The following TRAPPC9 variants were observed in gnomAD, a reference collection of about 807,000 sequenced individuals.
The protein encoded by TRAPPC9 is trafficking protein particle complex subunit 9.
Under a neutral mutation model 124.0 loss-of-function variants are expected in TRAPPC9, and 83 were observed. That is an observed-to-expected ratio of 0.67 (90% CI 0.56 to 0.80). The LOEUF (loss-of-function observed/expected upper bound fraction) is 0.80. Ranked by LOEUF, TRAPPC9 falls within the 30% of genes least tolerant of loss-of-function variation. The probability of loss-of-function intolerance (pLI) is 0.00; values close to 1 mark genes in which losing one functional copy is unlikely to be tolerated. For missense variants in TRAPPC9, 1,302 were observed against 1,508.3 expected, an observed-to-expected ratio of 0.86 and a Z score of 2.27; for synonymous variants, 638 against 617.5, an observed-to-expected ratio of 1.03 and a Z score of -0.49.
At chr8:139,793,554 G>A (rs1822848174) in intron 21 of TRAPPC9, among the ~76,000 whole-genome samples, 1 of 152,200 alleles carries the variant, frequency 6.6e-6, no homozygotes, top group Non-Finnish European at 1.5e-5. Flanking sequence ...TCACCTGTTT[G>A]TGCCACCATG....
intron 7 of TRAPPC9, 92 bp from the exon 8 acceptor site, chr8:140,371,272 G>A: frequency 1.6e-6 from 2 of 1,251,306 alleles, no homozygotes; most frequent in Non-Finnish European, 2.3e-6. Flanking sequence ...ATAAAACAAA[G>A]ACCTGAGGAG....
intron 17 of TRAPPC9, among the ~76,000 whole-genome samples, chr8:140,059,404 A>C (rs1842463264): frequency 6.6e-6 from 1 of 152,242 alleles, no homozygotes; most frequent in Admixed American, 6.5e-5. Context: ...ATAACGTTGC[A>C]ATGAACATCA....
At chr8:140,437,667 C>T (rs941407844) in intron 3 of TRAPPC9, among the ~76,000 whole-genome samples, 8 of 152,168 alleles carry the variant, frequency 5.3e-5, no homozygotes, top group African/African-American at 1.9e-4. Context: ...TCTACGGCAC[C>T]TCGTTAAACT....
At chr8:140,411,561 T>C (rs910739918) in intron 5 of TRAPPC9, among the ~76,000 whole-genome samples, 1 of 152,170 alleles carries the variant, frequency 6.6e-6, no homozygotes, top group Non-Finnish European at 1.5e-5. Context: ...AGGCTGGTCT[T>C]GAACTCCTGA....
intron 18 of TRAPPC9, among the ~76,000 whole-genome samples, chr8:140,003,690 A>G (rs557177581): frequency 6.6e-6 from 1 of 152,260 alleles, no homozygotes; most frequent in African/African-American, 2.4e-5. Context: ...TCTTTTGAAA[A>G]CTGACAATAC....
At chr8:139,758,033 C>T (rs1252487380) in intron 21 of TRAPPC9, among the ~76,000 whole-genome samples, 1 of 152,202 alleles carries the variant, frequency 6.6e-6, no homozygotes, top group East Asian at 1.9e-4. Flanking sequence ...TGGGCCTGGG[C>T]CTCGTGGAGG....
intron 7 of TRAPPC9, among the ~76,000 whole-genome samples, chr8:140,386,374 T>C (rs1403057052): frequency 6.6e-6 from 1 of 152,208 alleles, no homozygotes; most frequent in East Asian, 1.9e-4. Flanking sequence ...GGAAGTCAAA[T>C]TGTCCCTGTT....
chr8:139,851,968 GT>G (rs1372792782), intron 21 of TRAPPC9, among the ~76,000 whole-genome samples: 7 of 152,166 alleles, frequency 4.6e-5, no homozygotes, highest in African/African-American at 1.7e-4. Context: ...CTCTGATATG[GT>G]TTGGCTGTGT....
rs570773873 is a variant in TRAPPC9, at chr8:140,429,068, TTTTG to T, written c.860-2431_860-2428del. ...ACTGCCAGGGGTTTTTTGTTTTGTTTTTTGTTTTTCTGTTTTTGTTTTTTTTTTT... is the reference window on the plus strand; with the variant it reads ...ACTGCCAGGGGTTTTTTGTTTTGTTTTTTTTCTGTTTTTGTTTTTTTTTTT... On this transcript the variant is annotated intron_variant, in intron 4 of 22. Transcript: ENST00000438773. Among the ~76,000 whole-genome samples the T allele has an allele frequency of 2.6e-3, 391 of 148,198 alleles. 2 individuals carry two copies. The highest frequency in any genetic ancestry group is 0.01 in the Middle Eastern group (3 of 286).
chr8:140,132,873 C>T (rs371129958), intron 17 of TRAPPC9, among the ~76,000 whole-genome samples: 28 of 152,196 alleles, frequency 1.8e-4, no homozygotes, highest in African/African-American at 2.6e-4. Flanking sequence ...CTTGGCAGCA[C>T]GCAAGAGAGG....
chr8:139,821,245 C>T (rs1323661017), intron 21 of TRAPPC9, among the ~76,000 whole-genome samples: 3 of 152,240 alleles, frequency 2.0e-5, no homozygotes, highest in Non-Finnish European at 4.4e-5. Flanking sequence ...GAGCAGCCAG[C>T]GAAAAGCAAG....
At chr8:140,444,160 A>C (rs2071153528) in intron 2 of TRAPPC9, among the ~76,000 whole-genome samples, 1 of 150,202 alleles carries the variant, frequency 6.7e-6, no homozygotes, top group South Asian at 2.1e-4. Context: ...TGCAGTGAGC[A>C]GAGAACATGC....
intron 19 of TRAPPC9, among the ~76,000 whole-genome samples, chr8:139,928,668 G>A (rs1832946925): frequency 6.6e-6 from 1 of 151,328 alleles, no homozygotes; most frequent in Non-Finnish European, 1.5e-5. Context: ...GTCTGTCCCA[G>A]CCCTGGAGGT....
At chr8:140,164,652 G>A (rs1380717628) in intron 17 of TRAPPC9, among the ~76,000 whole-genome samples, 4 of 152,234 alleles carry the variant, frequency 2.6e-5, no homozygotes, top group Non-Finnish European at 5.9e-5. Flanking sequence ...TGGCTGGACA[G>A]CTAGGCATGG....
chr8:139,934,711 G>A (rs542403124), intron 19 of TRAPPC9, among the ~76,000 whole-genome samples: 24 of 152,304 alleles, frequency 1.6e-4, no homozygotes, highest in African/African-American at 4.8e-4. Context: ...TGGGGAAGGC[G>A]CGCCCTTCTG....
At chr8:140,141,347 T>C (rs1468679420) in intron 17 of TRAPPC9, among the ~76,000 whole-genome samples, 6 of 152,222 alleles carry the variant, frequency 3.9e-5, no homozygotes, top group Non-Finnish European at 7.3e-5. Flanking sequence ...CGCCCTTATC[T>C]GGCGCATCCA....
At chr8:140,294,769 G>T (rs190355623) in intron 11 of TRAPPC9, among the ~76,000 whole-genome samples, 1 of 151,588 alleles carries the variant, frequency 6.6e-6, no homozygotes, top group African/African-American at 2.4e-5. Flanking sequence ...CACCATGCCC[G>T]GCTAAATTTG....
intron 17 of TRAPPC9, among the ~76,000 whole-genome samples, chr8:140,108,262 T>G (rs192185928): frequency 4.5e-4 from 68 of 152,306 alleles, no homozygotes; most frequent in Middle Eastern, 6.8e-3. Flanking sequence ...GAAGCCAAAC[T>G]GCAGATGCCC....
intron 17 of TRAPPC9, among the ~76,000 whole-genome samples, chr8:140,199,002 C>A (rs1414945933): frequency 1.3e-5 from 2 of 152,224 alleles, no homozygotes; most frequent in Non-Finnish European, 2.9e-5. Context: ...CAACACCCGG[C>A]ACAGGGCAAG....
Sources: allele counts gnomAD v4.1 joint callset (sites outside exome capture counted in the v4.1 genomes callset), GRCh38; gene constraint gnomAD v4.1.1; transcripts MANE v1.5; gene names NCBI Gene and HGNC (gene_info 2026-07-23, HGNC 2026-07-21).